Variants in ST3GAL3 observed in about 807,000 individuals in gnomAD.
The protein encoded by ST3GAL3 is ST3 beta-galactoside alpha-2,3-sialyltransferase 3.
In ST3GAL3, 21 loss-of-function variants were observed where a neutral mutation model predicts 50.1. That is an observed-to-expected ratio of 0.42 (90% CI 0.30 to 0.60). The LOEUF (loss-of-function observed/expected upper bound fraction) is 0.60, where lower values mean the gene tolerates loss of function less well. ST3GAL3 is among the 20% of genes least tolerant of loss of function. The pLI, the probability that ST3GAL3 is intolerant of heterozygous loss-of-function variation, is 0.19. For synonymous variants in ST3GAL3, 183 were observed against 190.0 expected, an observed-to-expected ratio of 0.96 and a Z score of 0.30; for missense variants, 353 against 489.4, an observed-to-expected ratio of 0.72 and a Z score of 2.63.
chr1:43,778,520 C>T (rs182540825), intron 2 of ST3GAL3, among the ~76,000 whole-genome samples: 305 of 151,878 alleles, frequency 2.0e-3, no homozygotes, highest in Non-Finnish European at 3.1e-3. Context: ...ATCTTTCATT[C>T]TAGATTAATT....
chr1:43,847,484 A>G (rs1292599763), intron 5 of ST3GAL3, among the ~76,000 whole-genome samples: 1 of 152,238 alleles, frequency 6.6e-6, no homozygotes, highest in Admixed American at 6.5e-5. Flanking sequence ...ACATATTACA[A>G]CATGAATGAA....
intron 4 of ST3GAL3, among the ~76,000 whole-genome samples, chr1:43,817,395 C>T (rs12723311): frequency 5.6e-4 from 12 of 21,462 alleles, no homozygotes; most frequent in East Asian, 1.8e-3. Context: ...TTCTTCTCCT[C>T]CTTTTTCTCC....
chr1:43,749,371 C>G (rs1685128681), intron 2 of ST3GAL3, among the ~76,000 whole-genome samples: 1 of 152,056 alleles, frequency 6.6e-6, no homozygotes, highest in South Asian at 2.1e-4. Context: ...AAAAGCAAGC[C>G]ACATGCTGGG....
intron 3 of ST3GAL3, 79 bp from the exon 4 acceptor site, chr1:43,814,811 TG>T: frequency 7.4e-7 from 1 of 1,349,612 alleles, no homozygotes; most frequent in Non-Finnish European, 1.1e-6. Context: ...TCTGTCCCTG[TG>T]GTCTAGGTCT....
intron 1 of ST3GAL3, among the ~76,000 whole-genome samples, chr1:43,730,008 G>A (rs1327494588): frequency 6.6e-6 from 1 of 152,160 alleles, no homozygotes; most frequent in East Asian, 1.9e-4. Context: ...TCCTAGCGGC[G>A]AGTTTGAAAT....
At chr1:43,722,771 A>G (rs1033683051) in intron 1 of ST3GAL3, among the ~76,000 whole-genome samples, 2 of 152,196 alleles carry the variant, frequency 1.3e-5, no homozygotes, top group African/African-American at 4.8e-5. Flanking sequence ...GTTGACTTTG[A>G]TTGAGATAGT....
Position 43,912,766 on chromosome 1 carries a change from C to T in ST3GAL3, c.745-7638C>T, listed in dbSNP as rs527972937. 5.3e-5 allele frequency: 8 copies of T among 152,322 alleles called. No homozygotes were observed. The South Asian group carries it at 1.7e-3, about 32-fold the overall frequency. 9.4% of individuals were successfully genotyped at this position (152,322 alleles called of 1,614,324 possible). On this transcript the variant is annotated intron_variant, in intron 9 of 11. Coordinates refer to ENST00000347631, the MANE Select transcript of ST3GAL3 (RefSeq NM_006279.5). Reference sequence around the variant, plus strand: ...CTTCCCAGATGTTTTCCCCATTGCTCCTGGATGTTCTGACAAGAGCAGAAC... The same window carrying T: ...CTTCCCAGATGTTTTCCCCATTGCTTCTGGATGTTCTGACAAGAGCAGAAC...
intron 2 of ST3GAL3, chr1:43,743,804 A>T: frequency 4.7e-6 from 1 of 213,658 alleles, no homozygotes; most frequent in Non-Finnish European, 9.3e-6. Context: ...GTTCTGCCAC[A>T]TCCTGACTAC....
chr1:43,871,455 A>G (rs1339395939), intron 5 of ST3GAL3, among the ~76,000 whole-genome samples: 11 of 104,662 alleles, frequency 1.1e-4, no homozygotes, highest in South Asian at 3.7e-4. Flanking sequence ...TGGCATGTGA[A>G]GAAGAGGATG....
chr1:43,917,664 A>G (rs1388880949), intron 9 of ST3GAL3, among the ~76,000 whole-genome samples: 1 of 49,136 alleles, frequency 2.0e-5, no homozygotes, highest in Non-Finnish European at 5.5e-5. Context: ...AATATATAAT[A>G]TATATTATAT....
At chr1:43,731,366 C>T (rs1023452365) in intron 1 of ST3GAL3, among the ~76,000 whole-genome samples, 2 of 149,580 alleles carry the variant, frequency 1.3e-5, no homozygotes, top group East Asian at 2.0e-4. Flanking sequence ...TGCGTGCCAC[C>T]GCACCCAGCT....
Position 43,898,218 on chromosome 1 carries a change from C to G in ST3GAL3, c.398-17C>G, listed in dbSNP as rs752847411. On this transcript the variant is annotated splice_polypyrimidine_tract_variant and intron_variant, in intron 6 of 11. Transcript: ENST00000347631. ...GTAAGTGACCCTGTAACAGAAACCTCTCTCCTCTGTCTGCAGACAATCTGA... is the reference window on the plus strand; with the variant it reads ...GTAAGTGACCCTGTAACAGAAACCTGTCTCCTCTGTCTGCAGACAATCTGA... 7.4e-6 allele frequency: 12 copies of G among 1,613,548 alleles called. No homozygotes were observed. Among genetic ancestry groups the G allele is most frequent in the Non-Finnish European group, 1.0e-5 (12 of 1,179,840 alleles).
At chr1:43,773,592 A>C (rs1171278233) in intron 2 of ST3GAL3, among the ~76,000 whole-genome samples, 1 of 152,210 alleles carries the variant, frequency 6.6e-6, no homozygotes, top group African/African-American at 2.4e-5. Flanking sequence ...AGATAGGTAG[A>C]TAGATAATAG....
rs763780680 is a variant in ST3GAL3, at chr1:43,756,116, A to AAAAAAG, written c.118+19738_118+19739insAAAGAA. 2.9e-3 allele frequency among the ~76,000 whole-genome samples: 395 copies of AAAAAAG among 136,764 alleles called. 5 individuals are homozygous for AAAAAAG. Among genetic ancestry groups the AAAAAAG allele is most frequent in the Middle Eastern group, 8.6e-3 (2 of 232 alleles). 89.7% of individuals were successfully genotyped at this position (136,764 alleles called of 152,430 possible). The stretch of plus-strand genomic sequence containing the variant: ...AACCAGTCTCAAAAAAAAAAAAAAA[A>AAAAAAG]AAGAAGAAGAAGAAAAGAAAAGGAA... On this transcript the variant is annotated intron_variant, in intron 2 of 11. Coordinates refer to ENST00000347631, the MANE Select transcript of ST3GAL3 (RefSeq NM_006279.5).
chr1:43,781,384 C>G (rs184160883), intron 2 of ST3GAL3, among the ~76,000 whole-genome samples: 1 of 151,958 alleles, frequency 6.6e-6, no homozygotes. Context: ...TGGGAGGCAG[C>G]GGATCATTTG....
Position 43,899,310 on chromosome 1 carries a change from C to A in ST3GAL3, c.557+47C>A. 6.2e-7 allele frequency: 1 copy of A among 1,614,062 alleles called. No individual in the cohort carries two copies. Among genetic ancestry groups the A allele is most frequent in the South Asian group, 1.1e-5 (1 of 91,070 alleles). ...CTCGGGTGAGTGTCGTGGCCCCAACCCTTAGTCCTGAGCCCATTGAGAACT... is the reference window on the plus strand; with the variant it reads ...CTCGGGTGAGTGTCGTGGCCCCAACACTTAGTCCTGAGCCCATTGAGAACT... On this transcript the variant is annotated intron_variant, in intron 8 of 11. Transcript: ENST00000347631. This position sits in a 1 kb window ranked among gnomAD's most constrained non-coding sequence, Gnocchi z 5.4.
chr1:43,825,646 A>C (rs1474801942), intron 4 of ST3GAL3, among the ~76,000 whole-genome samples: 3 of 152,218 alleles, frequency 2.0e-5, no homozygotes, highest in Non-Finnish European at 4.4e-5. Context: ...GATAACAAGG[A>C]GAAATATGGG....
intron 5 of ST3GAL3, among the ~76,000 whole-genome samples, chr1:43,854,089 A>G (rs2067876275): frequency 6.6e-6 from 1 of 152,126 alleles, no homozygotes; most frequent in African/African-American, 2.4e-5. Context: ...TCCTTGCCAA[A>G]TTTTGTCCCA....
At chr1:43,708,369 A>G (rs1557940511) in intron 1 of ST3GAL3, among the ~76,000 whole-genome samples, 1 of 152,208 alleles carries the variant, frequency 6.6e-6, no homozygotes, top group Non-Finnish European at 1.5e-5. Context: ...GTGAAACCTG[A>G]TAACTGAATG....
Sources: gnomAD v4.1 joint callset for allele counts (sites outside exome capture counted in the v4.1 genomes callset) on GRCh38, gnomAD v4.1.1 for gene constraint, Gnocchi (gnomAD v3.1) non-coding constraint, MANE v1.5 for transcripts, NCBI Gene and HGNC (gene_info 2026-07-23, HGNC 2026-07-21) for gene names.